The following MON2 variants were observed in gnomAD, a reference collection of about 807,000 sequenced individuals.
MON2 encodes the protein protein MON2 homolog.
Under a neutral mutation model 208.6 loss-of-function variants are expected in MON2, and 84 were observed. The ratio of observed to expected loss-of-function variants is 0.40; its 90% CI spans 0.34 to 0.48. The LOEUF (loss-of-function observed/expected upper bound fraction) is 0.48. Among genes scored for constraint, MON2 ranks in the 20% least tolerant of loss-of-function variants. MON2 has a pLI of 0.59. For synonymous variants in MON2, 660 were observed against 694.0 expected, an observed-to-expected ratio of 0.95 and a Z score of 0.77; for missense variants, 1,611 against 2,015.4, an observed-to-expected ratio of 0.80 and a Z score of 3.84.
chr12:62,525,042 A>G, intron 9 of MON2, 42 bp from the exon 10 acceptor site: 1 of 1,527,898 alleles, frequency 6.5e-7, no homozygotes, highest in Admixed American at 1.8e-5. Context: ...TTTTTAATAT[A>G]TTCAAATGTT....
chr12:62,576,930 A>G (rs186520361), intron 30 of MON2, among the ~76,000 whole-genome samples: 95 of 151,936 alleles, frequency 6.3e-4, no homozygotes, highest in African/African-American at 2.1e-3. Flanking sequence ...ATACACACTA[A>G]AAGTATTAAT....
At chr12:62,492,911 G>A (rs2070245833) in intron 2 of MON2, among the ~76,000 whole-genome samples, 1 of 151,514 alleles carries the variant, frequency 6.6e-6, no homozygotes, top group South Asian at 2.1e-4. Context: ...CCGGGGAGTC[G>A]GAGGTTGCAG....
rs75913288 is a variant in MON2, at chr12:62,538,003, G to C, written c.2119-93G>C. 9.2e-3 allele frequency: 10,111 copies of C among 1,101,706 alleles called. 674 individuals are homozygous for C. In the African/African-American group the frequency reaches 0.14, roughly 15 times the overall value. 68.2% of individuals were successfully genotyped at this position (1,101,706 alleles called of 1,614,324 possible). ...AAACCTACTACTGATTTTAATTTTG[G>C]TTGCTAGAAGTTACTACTGATTTTA... On this transcript the variant is annotated intron_variant, in intron 16 of 34. Transcript: ENST00000393630.
rs1197605390 is a variant in MON2, at chr12:62,565,867, T to TG, written c.4177-147_4177-146insG. 7.4e-6 allele frequency: 5 copies of TG among 678,700 alleles called. No homozygotes were observed. In the African/African-American group the frequency reaches 9.2e-5, roughly 13 times the overall value. The allele number at this position is 678,700 out of a possible 1,614,324, so 42.0% of individuals were successfully genotyped here. Reference sequence around the variant, plus strand: ...TAGCCATAGTTGGCAAATTTTAACTTTGTTTAAGTAAATTTCTGAATGCAT... The same window carrying TG: ...TAGCCATAGTTGGCAAATTTTAACTTGTGTTTAAGTAAATTTCTGAATGCAT... On this transcript the variant is annotated intron_variant, in intron 27 of 34. Coordinates refer to ENST00000393630, the MANE Select transcript of MON2 (RefSeq NM_015026.3).
At chr12:62,512,968 A>C (rs578261156) in intron 8 of MON2, among the ~76,000 whole-genome samples, 1 of 152,166 alleles carries the variant, frequency 6.6e-6, no homozygotes, top group African/African-American at 2.4e-5. Flanking sequence ...CCCGAGCTCT[A>C]TGTTGACCCC....
chr12:62,472,032 G>A (rs2068814300), intron 1 of MON2, among the ~76,000 whole-genome samples: 1 of 152,214 alleles, frequency 6.6e-6, no homozygotes, highest in South Asian at 2.1e-4. Context: ...GCAAGTTTGA[G>A]GAGAGCAGTG....
At chr12:62,471,465 T>A (rs2068787086) in intron 1 of MON2, among the ~76,000 whole-genome samples, 1 of 152,190 alleles carries the variant, frequency 6.6e-6, no homozygotes, top group Admixed American at 6.5e-5. Context: ...ATAGCAGGCG[T>A]GAGCCACCAC....
chr12:62,547,881 A>G lies in MON2; in HGVS notation c.2753+809A>G, dbSNP rs113873933. 1.1e-4 allele frequency among the ~76,000 whole-genome samples: 16 copies of G among 152,290 alleles called. 1 individual carries two copies. The highest frequency in any genetic ancestry group is 2.9e-4 in the African/African-American group (12 of 41,560). On this transcript the variant is annotated intron_variant, in intron 22 of 34. Coordinates refer to ENST00000393630, the MANE Select transcript of MON2 (RefSeq NM_015026.3). ...ATATAGCCCCGGTGTGTAGTAGGTT[A>G]TATCATCTAGGTTTGTGTCAGTAAA...
intron 22 of MON2, among the ~76,000 whole-genome samples, chr12:62,548,331 T>G (rs1184877303): frequency 2.0e-5 from 3 of 151,986 alleles, no homozygotes; most frequent in Non-Finnish European, 4.4e-5. Context: ...GGCAGTTTAG[T>G]GGGGGATGGT....
chr12:62,492,790 C>G (rs2070236094), intron 2 of MON2, among the ~76,000 whole-genome samples: 1 of 149,590 alleles, frequency 6.7e-6, no homozygotes, highest in South Asian at 2.2e-4. Flanking sequence ...ACCATCCTGG[C>G]TAACATGGTG....
intron 32 of MON2, among the ~76,000 whole-genome samples, chr12:62,584,838 C>T (rs1299929299): frequency 6.6e-6 from 1 of 151,566 alleles, no homozygotes; most frequent in Non-Finnish European, 1.5e-5. Flanking sequence ...GAGCAACTGC[C>T]GGACTGGAGC....
chr12:62,507,671 G>T (rs1353814205), intron 7 of MON2, among the ~76,000 whole-genome samples: 1 of 151,922 alleles, frequency 6.6e-6, no homozygotes, highest in Non-Finnish European at 1.5e-5. Context: ...AGCTAAAATT[G>T]AAGTTTCTGT....
intron 6 of MON2, 60 bp downstream of exon 6, chr12:62,500,940 G>T (rs557056811): frequency 7.5e-6 from 8 of 1,063,154 alleles, no homozygotes; most frequent in Non-Finnish European, 1.1e-5. Context: ...GAATTTTTTA[G>T]TTGGGGATTT....
chr12:62,557,843 C>CTGTACATTTGCT (rs2074025803), intron 25 of MON2, among the ~76,000 whole-genome samples: 1 of 145,600 alleles, frequency 6.9e-6, no homozygotes, highest in African/African-American at 2.6e-5. Context: ...CAAATTTTCA[C>CTGTACATTTGCT]TGTACATTTG....
intron 3 of MON2, 146 bp from the exon 4 acceptor site, chr12:62,494,870 G>T: frequency 2.0e-6 from 1 of 501,784 alleles, no homozygotes; most frequent in Non-Finnish European, 3.4e-6. Flanking sequence ...AGATGTGTTT[G>T]GATCTAGAAA....
chr12:62,560,361 A>T, intron 25 of MON2, 130 bp from the exon 26 acceptor site: 1 of 867,354 alleles, frequency 1.2e-6, no homozygotes, highest in Non-Finnish European at 1.8e-6. Flanking sequence ...CTTAGTACCT[A>T]GTCATATATT....
chr12:62,562,755 T>C (rs1592406376), intron 26 of MON2, among the ~76,000 whole-genome samples: 1 of 152,152 alleles, frequency 6.6e-6, no homozygotes, highest in Admixed American at 6.6e-5. Flanking sequence ...TCCTAAGAGA[T>C]AAACTGATTT....
At chr12:62,531,838 C>T (rs919084596) in intron 11 of MON2, among the ~76,000 whole-genome samples, 14 of 151,930 alleles carry the variant, frequency 9.2e-5, no homozygotes, top group African/African-American at 2.7e-4. Flanking sequence ...GGCGCAATCT[C>T]GGCTCACTGC....
rs773972501 is a variant in MON2 at position 62,484,224 on chromosome 12, A to G, written c.166A>G (p.Ile56Val). 1 of 1,597,784 alleles carries G rather than the reference A, an allele frequency of 6.3e-7. No homozygotes were observed. The highest frequency in any genetic ancestry group is 1.7e-5 in the Admixed American group (1 of 58,272). The change falls in exon 2 of 35, where the codon ATT (isoleucine) becomes GTT (valine). Residue 56 changes from isoleucine to valine, a missense_variant. Coordinates refer to ENST00000393630, the MANE Select transcript of MON2 (RefSeq NM_015026.3). ...VKTIAARNTEILAALKENSSE... is the reference protein window; with the variant it reads ...VKTIAARNTEVLAALKENSSE... ...AACAATTGCTGCACGAAACACTGAA[A>G]TTTTGGCAGGTAATTTTTTGTATTA...
Sources: allele counts gnomAD v4.1 joint callset (sites outside exome capture counted in the v4.1 genomes callset), GRCh38; gene constraint gnomAD v4.1.1; transcripts MANE v1.5; gene names NCBI Gene and HGNC (gene_info 2026-07-23, HGNC 2026-07-21).